TM2D1: variants seen among roughly 807,000 people sequenced by gnomAD.
The protein encoded by TM2D1 is TM2 domain-containing protein 1.
In TM2D1, 15 loss-of-function variants were observed where a neutral mutation model predicts 28.4. The observed-to-expected ratio is 0.53, with a 90% CI of 0.35 to 0.81. The LOEUF (loss-of-function observed/expected upper bound fraction) is 0.81, where lower values mean the gene tolerates loss of function less well. TM2D1 is among the 40% of genes least tolerant of loss of function. The pLI is 0.01. For synonymous variants in TM2D1, 93 were observed against 96.2 expected (o/e 0.97, Z 0.20); for missense variants, 236 against 254.9 (o/e 0.93, Z 0.50).
intron 2 of TM2D1, among the ~76,000 whole-genome samples, chr1:61,712,584 T>C (rs1453193814): frequency 3.3e-5 from 5 of 152,046 alleles, no homozygotes; most frequent in African/African-American, 1.2e-4. Flanking sequence ...TTAATTTTTG[T>C]ATTTTTAGTA....
At chr1:61,714,294 G>A (rs1052178314) in intron 2 of TM2D1, among the ~76,000 whole-genome samples, 3 of 150,316 alleles carry the variant, frequency 2.0e-5, no homozygotes, top group Non-Finnish European at 4.4e-5. Flanking sequence ...TGTAATCCCA[G>A]CACTTTGGGA....
intron 1 of TM2D1, 135 bp downstream of exon 1, chr1:61,724,822 C>T: frequency 9.9e-7 from 1 of 1,006,318 alleles, no homozygotes; most frequent in South Asian, 2.6e-5. Flanking sequence ...TTCAGGGATC[C>T]TTCAGTCATT....
chr1:61,700,069 T>C, intron 4 of TM2D1: 1 of 1,403,582 alleles, frequency 7.1e-7, no homozygotes, highest in Non-Finnish European at 9.2e-7. Flanking sequence ...AGCAGAGTAC[T>C]ACAGTAAATA....
At chr1:61,723,652 A>G (rs760546668) in intron 2 of TM2D1, 61 bp downstream of exon 2, 11 of 885,584 alleles carry the variant, frequency 1.2e-5, no homozygotes, top group Non-Finnish European at 1.9e-5. Flanking sequence ...GTGATCATAC[A>G]TTGACCTATG....
intron 2 of TM2D1, among the ~76,000 whole-genome samples, chr1:61,711,154 A>G (rs756555862): frequency 9.2e-5 from 14 of 152,048 alleles, no homozygotes; most frequent in Admixed American, 2.0e-4. Context: ...CCTGGGCAAC[A>G]TGGCGAAAAC....
chr1:61,710,503 TACAC>T (rs4020071), intron 2 of TM2D1, among the ~76,000 whole-genome samples: 4,095 of 126,560 alleles, frequency 0.032, 185 homozygotes, highest in African/African-American at 0.098. Flanking sequence ...TATACACACA[TACAC>T]ACACACACAC....
At chr1:61,723,938 T>C (rs1644586300) in intron 1 of TM2D1, among the ~76,000 whole-genome samples, 152 bp from the exon 2 acceptor site, 1 of 152,194 alleles carries the variant, frequency 6.6e-6, no homozygotes, top group Admixed American at 6.5e-5. Context: ...CAAATATACT[T>C]TTAGTATTGC....
At chr1:61,690,569 TC>T (rs1483041762) in intron 5 of TM2D1, among the ~76,000 whole-genome samples, 1 of 150,292 alleles carries the variant, frequency 6.7e-6, no homozygotes, top group African/African-American at 2.4e-5. Flanking sequence ...ATAAAAACAA[TC>T]ACTTTTTTAA....
chr1:61,713,488 CAAAAA>C (rs369601221), intron 2 of TM2D1, among the ~76,000 whole-genome samples: 4 of 91,404 alleles, frequency 4.4e-5, no homozygotes, highest in Non-Finnish European at 9.0e-5. Flanking sequence ...AACTCAAAAA[CAAAAA>C]AAAAAAAAAA....
chr1:61,718,845 G>A (rs1003303940), intron 2 of TM2D1, among the ~76,000 whole-genome samples: 4 of 152,070 alleles, frequency 2.6e-5, no homozygotes, highest in Non-Finnish European at 5.9e-5. Context: ...TGCCATAAAA[G>A]ACAAAGAAAG....
At chr1:61,702,471 C>A (rs547366929) in intron 3 of TM2D1, among the ~76,000 whole-genome samples, 5 of 150,902 alleles carry the variant, frequency 3.3e-5, no homozygotes, top group African/African-American at 9.7e-5. Context: ...CAGGTTCAAG[C>A]GATTCTTCCA....
intron 4 of TM2D1, among the ~76,000 whole-genome samples, chr1:61,697,155 C>T (rs995799862): frequency 6.6e-6 from 1 of 152,032 alleles, no homozygotes; most frequent in Non-Finnish European, 1.5e-5. Context: ...TAAAATCATC[C>T]TTTGCCTTAA....
intron 2 of TM2D1, among the ~76,000 whole-genome samples, chr1:61,716,261 G>A (rs1196429630): frequency 6.6e-6 from 1 of 150,844 alleles, no homozygotes; most frequent in Non-Finnish European, 1.5e-5. Flanking sequence ...CCAGGCTGCA[G>A]TAAGCTACGA....
rs1644462128 is a variant in TM2D1 at position 61,709,435 on chromosome 1, A to C, written c.241T>G (p.Ser81Ala). Residue 81 changes from serine (S) to alanine (A), a missense_variant and splice_region_variant, in exon 3 of 7, where the codon TCC (serine) becomes GCC (alanine). Ser to Ala is a moderately conservative substitution (Grantham distance 99). This residue lies in a region of TM2D1 where 167 missense variants were observed against 162.7 expected (regional missense o/e 1.03). Coordinates refer to ENST00000606498, the MANE Select transcript of TM2D1 (RefSeq NM_032027.3). ...GTTATGTTGGGTGCTGGAAAACAGG[A>C]AACTGAAGGCAGAAAAAGTCAAGAA... The part of the protein sequence containing the change: ...VNCTNYTAHV[S>A]CFPAPNITCK... 8 of 1,608,860 alleles carry C rather than the reference A, an allele frequency of 5.0e-6. No individual in the cohort carries two copies. The highest frequency in any genetic ancestry group is 6.8e-6 in the Non-Finnish European group (8 of 1,175,864).
chr1:61,681,418 T>A (rs1203913109), intron 6 of TM2D1, 68 bp from the exon 7 acceptor site: 1 of 152,220 alleles, frequency 6.6e-6, no homozygotes, highest in African/African-American at 2.4e-5. Flanking sequence ...TTATTGCAGA[T>A]GTACATTTTA....
intron 3 of TM2D1, among the ~76,000 whole-genome samples, chr1:61,701,709 C>T (rs1458339621): frequency 6.6e-6 from 1 of 151,928 alleles, no homozygotes; most frequent in African/African-American, 2.4e-5. Context: ...AGGGCAGGAG[C>T]ACCTCATCTA....
chr1:61,690,098 G>A (rs1309879193), intron 5 of TM2D1, among the ~76,000 whole-genome samples: 1 of 152,144 alleles, frequency 6.6e-6, no homozygotes, highest in Non-Finnish European at 1.5e-5. Flanking sequence ...TGAACCTGCT[G>A]GTGTCTTGAT....
chr1:61,710,231 C>A (rs1644467135), intron 2 of TM2D1, among the ~76,000 whole-genome samples: 1 of 151,584 alleles, frequency 6.6e-6, no homozygotes, highest in South Asian at 2.1e-4. Context: ...TCAAGACCAG[C>A]ATGGGCAACA....
intron 5 of TM2D1, among the ~76,000 whole-genome samples, chr1:61,689,874 A>C (rs1340779142): frequency 6.6e-6 from 1 of 152,172 alleles, no homozygotes; most frequent in East Asian, 1.9e-4. Context: ...TCAGGAATTT[A>C]GCCCTATTAT....
Sources: gnomAD v4.1 joint callset for allele counts (sites outside exome capture counted in the v4.1 genomes callset) on GRCh38, gnomAD v4.1.1 for gene constraint, gnomAD v4.1.1 regional missense constraint, MANE v1.5 for transcripts, NCBI Gene and HGNC (gene_info 2026-07-23, HGNC 2026-07-21) for gene names.